Variants in PTPRQ observed in about 807,000 individuals in gnomAD.
The protein encoded by PTPRQ is protein tyrosine phosphatase receptor type Q.
Under a neutral mutation model 246.0 loss-of-function variants are expected in PTPRQ, and 199 were observed. The ratio of observed to expected loss-of-function variants is 0.81; its 90% CI spans 0.72 to 0.91. The LOEUF is 0.91. Ranked by LOEUF, PTPRQ falls within the 40% of genes least tolerant of loss-of-function variation. The pLI is 0.00. For missense variants in PTPRQ, 2,624 were observed against 2,528.4 expected (o/e 1.04, Z -0.81); for synonymous variants, 869 against 853.2 (o/e 1.02, Z -0.32).
At chr12:80,607,020 C>T (rs1361114397) in intron 27 of PTPRQ, among the ~76,000 whole-genome samples, 2 of 150,902 alleles carry the variant, frequency 1.3e-5, no homozygotes, top group Non-Finnish European at 3.0e-5. Flanking sequence ...TTCTTGTAGC[C>T]TTCTTGCTGA....
chr12:80,514,373 T>TACACACACACAC (rs372647668), intron 17 of PTPRQ, among the ~76,000 whole-genome samples: 218 of 112,172 alleles, frequency 1.9e-3, no homozygotes, highest in African/African-American at 6.4e-3. Flanking sequence ...GGCTTTATTT[T>TACACACACACAC]ACACACACAC....
At chr12:80,506,338 G>T in intron 15 of PTPRQ, 132 bp downstream of exon 15, 1 of 1,040,678 alleles carries the variant, frequency 9.6e-7, no homozygotes, top group Non-Finnish European at 1.3e-6. Context: ...GGTTAAATAA[G>T]CTAGGAGTTT....
chr12:80,598,152 T>C (rs575353755), intron 26 of PTPRQ, among the ~76,000 whole-genome samples: 9 of 152,004 alleles, frequency 5.9e-5, no homozygotes, highest in Non-Finnish European at 1.3e-4. Context: ...TATTCATGAA[T>C]CTAATCTGAC....
At position 80,634,950 on chromosome 12, in the gene PTPRQ, G is replaced by T. The variant is rs562981127; in HGVS notation, c.5792G>T (p.Arg1931Leu). 6.5e-7 allele frequency: 1 copy of T among 1,550,184 alleles called. No homozygotes were observed. Among genetic ancestry groups the T allele is most frequent in the Non-Finnish European group, 8.7e-7 (1 of 1,146,262 alleles). Residue 1931 changes from arginine to leucine, a missense_variant, in exon 35 of 45, where the codon CGA (arginine) becomes CTA (leucine). Coordinates refer to ENST00000644991, the MANE Select transcript of PTPRQ (RefSeq NM_001145026.2). ...GTAIFAFARIRQKQKEGGTYS... is the reference protein window; with the variant it reads ...GTAIFAFARILQKQKEGGTYS... Reference sequence around the variant, plus strand: ...CTTTACTCCGCTTGTTTTAGAATTCGACAGAAGCAGAAAGAAGGTGGCACA... The same window carrying T: ...CTTTACTCCGCTTGTTTTAGAATTCTACAGAAGCAGAAAGAAGGTGGCACA...
intron 17 of PTPRQ, among the ~76,000 whole-genome samples, chr12:80,531,897 G>A (rs1488700232): frequency 3.3e-5 from 5 of 152,022 alleles, no homozygotes; most frequent in Admixed American, 3.3e-4. Context: ...AAACTGAAGT[G>A]AACTACTATG....
At chr12:80,598,778 A>G (rs1050453607) in intron 26 of PTPRQ, among the ~76,000 whole-genome samples, 1 of 151,936 alleles carries the variant, frequency 6.6e-6, no homozygotes, top group Non-Finnish European at 1.5e-5. Flanking sequence ...TTTAAATTGA[A>G]GGTATATAGA....
intron 39 of PTPRQ, among the ~76,000 whole-genome samples, chr12:80,665,149 T>G (rs1458736435): frequency 6.6e-6 from 1 of 151,962 alleles, no homozygotes; most frequent in Non-Finnish European, 1.5e-5. Context: ...CAAAGGGCCA[T>G]GGCAAATTAC....
At chr12:80,448,480 C>T (rs1039508936) in intron 3 of PTPRQ, among the ~76,000 whole-genome samples, 5 of 151,970 alleles carry the variant, frequency 3.3e-5, no homozygotes, top group African/African-American at 4.8e-5. Flanking sequence ...CCCACTAACT[C>T]GTCATCTAGA....
intron 33 of PTPRQ, 104 bp from the exon 34 acceptor site, chr12:80,632,088 G>A: frequency 7.2e-7 from 1 of 1,398,264 alleles, no homozygotes. Flanking sequence ...GTATTCTTCA[G>A]CAAAGAATAT....
At chr12:80,667,759 T>C (rs1343023060) in intron 39 of PTPRQ, among the ~76,000 whole-genome samples, 1 of 152,020 alleles carries the variant, frequency 6.6e-6, no homozygotes, top group East Asian at 1.9e-4. Flanking sequence ...CTTTCTATTA[T>C]GTATTTTTCT....
At chr12:80,635,641 G>A (rs538981455) in intron 35 of PTPRQ, among the ~76,000 whole-genome samples, 2 of 151,342 alleles carry the variant, frequency 1.3e-5, no homozygotes, top group Non-Finnish European at 2.9e-5. Context: ...ATGTTTCATT[G>A]GTACCTATTG....
chr12:80,649,513 T>A, intron 36 of PTPRQ, 75 bp from the exon 37 acceptor site: 1 of 1,485,278 alleles, frequency 6.7e-7, no homozygotes, highest in Non-Finnish European at 9.0e-7. Flanking sequence ...TTGTTAAAAG[T>A]GAAGCCAGTG....
intron 37 of PTPRQ, among the ~76,000 whole-genome samples, chr12:80,650,463 CAT>C (rs1232504230): frequency 6.6e-6 from 1 of 151,934 alleles, no homozygotes; most frequent in Non-Finnish European, 1.5e-5. Flanking sequence ...CAGATTTCTA[CAT>C]GTCACCAAAA....
chr12:80,638,788 A>G (rs1351530908), intron 35 of PTPRQ, among the ~76,000 whole-genome samples: 1 of 152,214 alleles, frequency 6.6e-6, no homozygotes, highest in Admixed American at 6.5e-5. Context: ...TCAAGGATAT[A>G]CTAAAATAAC....
chr12:80,619,397 A>C lies in PTPRQ; in HGVS notation c.5244A>C (p.Pro1748=), dbSNP rs771129599. 3.2e-6 allele frequency: 5 copies of C among 1,545,624 alleles called. No individual in the cohort carries two copies. The South Asian group carries it at 4.8e-5, about 15-fold the overall frequency. The part of the protein sequence containing the change: ...ITMDIKAPAR[P]KTKPTPIYDA... The stretch of plus-strand genomic sequence containing the variant: ...CTTTGTTTATAGCTCCAGCACGACC[A>C]AAAACCAAACCAACCCCTATTTATG... Residue 1748 remains proline, a synonymous_variant, in exon 31 of 45, where the codon CCA becomes CCC. Transcript: ENST00000644991.
chr12:80,605,773 G>A (rs1258979516), intron 27 of PTPRQ, among the ~76,000 whole-genome samples: 1 of 151,106 alleles, frequency 6.6e-6, no homozygotes, highest in African/African-American at 2.4e-5. Context: ...TCTAAGAGAT[G>A]AGGCTAGATC....
At chr12:80,466,387 C>A (rs1475244867) in intron 6 of PTPRQ, among the ~76,000 whole-genome samples, 3 of 152,280 alleles carry the variant, frequency 2.0e-5, no homozygotes, top group East Asian at 3.9e-4. Context: ...ACATTCCATG[C>A]TCATGGGTAG....
At chr12:80,670,987 A>G (rs1188196100) in intron 42 of PTPRQ, among the ~76,000 whole-genome samples, 1 of 152,240 alleles carries the variant, frequency 6.6e-6, no homozygotes, top group African/African-American at 2.4e-5. Context: ...CTTTCACCAC[A>G]ATAAAAAGAT....
chr12:80,612,664 C>G (rs549931930), intron 28 of PTPRQ, among the ~76,000 whole-genome samples: 204 of 150,428 alleles, frequency 1.4e-3, no homozygotes, highest in Admixed American at 3.1e-3. Context: ...CTGTGTGACC[C>G]AGTAGTCACA....
Sources: gnomAD v4.1 joint callset for allele counts (sites outside exome capture counted in the v4.1 genomes callset) on GRCh38, gnomAD v4.1.1 for gene constraint, MANE v1.5 for transcripts, NCBI Gene and HGNC (gene_info 2026-07-23, HGNC 2026-07-21) for gene names.